ADGRB3: variants seen among roughly 807,000 people sequenced by gnomAD.
ADGRB3 encodes adhesion G protein-coupled receptor B3.
A neutral mutation model predicts 193.4 loss-of-function variants in ADGRB3; 37 were observed. The observed-to-expected ratio is 0.19, with a 90% CI of 0.15 to 0.25. ADGRB3 has a LOEUF of 0.25. Ranked by LOEUF, ADGRB3 falls within the 10% of genes least tolerant of loss-of-function variation. The pLI is 1.00. For synonymous variants in ADGRB3, 690 were observed against 644.2 expected (o/e 1.07, Z -1.08); for missense variants, 1,637 against 1,852.9 (o/e 0.88, Z 2.14).
At chr6:69,068,794 C>T (rs1181548954) in intron 16 of ADGRB3, among the ~76,000 whole-genome samples, 1 of 152,168 alleles carries the variant, frequency 6.6e-6, no homozygotes, top group Non-Finnish European at 1.5e-5. Context: ...TATGTGCCCT[C>T]TCCTTGTATT....
At chr6:68,932,879 G>A in intron 4 of ADGRB3, among the ~76,000 whole-genome samples, 1 of 147,496 alleles carries the variant, frequency 6.8e-6, no homozygotes, top group Non-Finnish European at 1.5e-5. Context: ...TAATATTTAA[G>A]AATTACTTCT....
At chr6:69,279,247 C>A (rs1214860787) in intron 20 of ADGRB3, among the ~76,000 whole-genome samples, 1 of 151,576 alleles carries the variant, frequency 6.6e-6, no homozygotes, top group Non-Finnish European at 1.5e-5. Context: ...CTACCTTAAA[C>A]GTGCTAAGAA....
chr6:69,135,479 G>A (rs1489313494), intron 17 of ADGRB3, among the ~76,000 whole-genome samples: 1 of 151,950 alleles, frequency 6.6e-6, no homozygotes, highest in Non-Finnish European at 1.5e-5. Flanking sequence ...CAGAATAAAT[G>A]TACTGTCGTA....
chr6:68,766,868 T>C (rs1355037541), intron 3 of ADGRB3, among the ~76,000 whole-genome samples: 2 of 152,018 alleles, frequency 1.3e-5, no homozygotes. Flanking sequence ...TATGTAGAGA[T>C]TAAATCACAA....
intron 17 of ADGRB3, among the ~76,000 whole-genome samples, chr6:69,117,768 G>A (rs1188550392): frequency 2.0e-5 from 3 of 152,084 alleles, no homozygotes; most frequent in African/African-American, 4.8e-5. Flanking sequence ...ATGTTTTATT[G>A]AATTAGATTA....
In ADGRB3 at chr6:69,300,484, A is replaced by C. The variant is rs529554628; in HGVS notation, c.2815-24388A>C. Among the ~76,000 whole-genome samples the C allele has an allele frequency of 2.0e-5, 3 of 151,932 alleles. No individual in the cohort carries two copies. In the South Asian group the frequency reaches 6.2e-4, roughly 31 times the overall value. On this transcript the variant is annotated intron_variant, in intron 20 of 31. Transcript: ENST00000370598. ...CTAGCAAGAGCAATCAAAAAAGGGA[A>C]ATAAATAAAGGACTTCCAAATTGGA...
At chr6:69,355,274 T>C (rs1359232037) in intron 27 of ADGRB3, among the ~76,000 whole-genome samples, 4 of 152,152 alleles carry the variant, frequency 2.6e-5, no homozygotes, top group Non-Finnish European at 5.9e-5. Context: ...ACCAGATGAG[T>C]ATGGTTTAAT....
chr6:68,699,771 G>A (rs183182148), intron 3 of ADGRB3, among the ~76,000 whole-genome samples: 22 of 150,820 alleles, frequency 1.5e-4, no homozygotes, highest in Admixed American at 1.4e-3. Flanking sequence ...TGCCCATTAT[G>A]AACAACAGTC....
At chr6:69,179,730 G>GA (rs577543705) in intron 17 of ADGRB3, among the ~76,000 whole-genome samples, 51 of 152,244 alleles carry the variant, frequency 3.3e-4, no homozygotes, top group African/African-American at 1.2e-3. Context: ...TGCTGGGTAA[G>GA]GTTTTTTGGC....
chr6:68,734,833 CAATT>C (rs1765841463), intron 3 of ADGRB3, among the ~76,000 whole-genome samples: 1 of 151,964 alleles, frequency 6.6e-6, no homozygotes, highest in South Asian at 2.1e-4. Context: ...TCAGATGTGA[CAATT>C]AAACTGATTT....
At chr6:68,954,741 A>C (rs755378971) in intron 6 of ADGRB3, among the ~76,000 whole-genome samples, 1 of 149,940 alleles carries the variant, frequency 6.7e-6, no homozygotes, top group Non-Finnish European at 1.5e-5. Context: ...GTGCAGTGAC[A>C]CAATCTTGGC....
At chr6:69,079,886 T>G (rs1772338091) in intron 17 of ADGRB3, among the ~76,000 whole-genome samples, 1 of 152,062 alleles carries the variant, frequency 6.6e-6, no homozygotes, top group Non-Finnish European at 1.5e-5. Context: ...CCATTTGTAA[T>G]TTATTTACCT....
In ADGRB3 at chr6:69,054,537, C is replaced by T. The variant is rs987025239; in HGVS notation, c.2333+5191C>T. ...GCAATGGAATATTCTAGTTTTGTGA[C>T]GTTCTGTACCTTTTTAGAATGTCTT... On this transcript the variant is annotated intron_variant, in intron 15 of 31. Transcript: ENST00000370598. 6.6e-5 allele frequency among the ~76,000 whole-genome samples: 10 copies of T among 152,138 alleles called. No homozygotes were observed. In the East Asian group the frequency reaches 7.7e-4, roughly 12 times the overall value.
At chr6:69,089,755 T>C (rs902014376) in intron 17 of ADGRB3, among the ~76,000 whole-genome samples, 1 of 152,192 alleles carries the variant, frequency 6.6e-6, no homozygotes, top group Non-Finnish European at 1.5e-5. Flanking sequence ...CTCTACCAAG[T>C]AGGAGCATCT....
intron 17 of ADGRB3, among the ~76,000 whole-genome samples, chr6:69,132,985 A>G (rs1302845745): frequency 6.6e-6 from 1 of 152,026 alleles, no homozygotes; most frequent in Non-Finnish European, 1.5e-5. Flanking sequence ...ATTGGTCTAT[A>G]TATCTGTTTT....
intron 8 of ADGRB3, among the ~76,000 whole-genome samples, chr6:68,958,908 TGTG>T (rs1280792580): frequency 6.8e-6 from 1 of 147,380 alleles, no homozygotes; most frequent in Non-Finnish European, 1.5e-5. Context: ...TGTGTGTGTG[TGTG>T]TACATATACA....
chr6:69,100,918 G>A (rs1218918869), intron 17 of ADGRB3, among the ~76,000 whole-genome samples: 3 of 38,950 alleles, frequency 7.7e-5, no homozygotes, highest in Non-Finnish European at 1.5e-4. Flanking sequence ...GGGAGGGAAG[G>A]AAGGAAGGAG....
intron 17 of ADGRB3, among the ~76,000 whole-genome samples, chr6:69,208,631 C>T (rs1765588852): frequency 6.6e-6 from 1 of 152,196 alleles, no homozygotes; most frequent in Admixed American, 6.5e-5. Flanking sequence ...GAAGCAAGCC[C>T]TAGTCTTTTC....
chr6:68,916,057 C>G (rs923281479), intron 3 of ADGRB3, among the ~76,000 whole-genome samples: 1 of 151,780 alleles, frequency 6.6e-6, no homozygotes, highest in African/African-American at 2.4e-5. Context: ...ACACAAGGAG[C>G]AAACCAAGAA....
Sources: gnomAD v4.1 joint callset for allele counts (sites outside exome capture counted in the v4.1 genomes callset) on GRCh38, gnomAD v4.1.1 for gene constraint, MANE v1.5 for transcripts, NCBI Gene and HGNC (gene_info 2026-07-23, HGNC 2026-07-21) for gene names.